The following FRK variants were observed in gnomAD, a reference collection of about 807,000 sequenced individuals.
The protein encoded by FRK is tyrosine-protein kinase FRK.
A neutral mutation model predicts 56.4 loss-of-function variants in FRK; 51 were observed. That is an observed-to-expected ratio of 0.90 (90% CI 0.72 to 1.14). The LOEUF (loss-of-function observed/expected upper bound fraction) is 1.14, where lower values mean the gene tolerates loss of function less well. FRK is among the 50% of genes most tolerant of loss of function. The pLI, the probability that FRK is intolerant of heterozygous loss-of-function variation, is 0.00. For missense variants in FRK, 570 were observed against 601.4 expected (o/e 0.95, Z 0.55); for synonymous variants, 245 against 217.9 (o/e 1.12, Z -1.10).
chr6:116,003,845 T>G lies in FRK; in HGVS notation c.466+32A>C, dbSNP rs781112476. ...AGCTCATGACTGCAGACTCTCAAGC[T>G]CATATTGAATGACACAAAACAATAC... On this transcript the variant is annotated intron_variant, in intron 2 of 7. Coordinates refer to ENST00000606080, the MANE Select transcript of FRK (RefSeq NM_002031.3). The G allele has an allele frequency of 1.4e-5, 22 of 1,610,620 alleles. 1 individual carries two copies. In the South Asian group the frequency reaches 2.3e-4, roughly 17 times the overall value.
chr6:115,978,029 A>G (rs767981103), intron 2 of FRK, among the ~76,000 whole-genome samples: 74 of 152,330 alleles, frequency 4.9e-4, no homozygotes, highest in Non-Finnish European at 9.4e-4. Flanking sequence ...AACAGCATTT[A>G]CAGCATCTCA....
At chr6:116,068,877 G>A in the FRK span, among the ~76,000 whole-genome samples, 2 of 151,466 alleles carry the variant, frequency 1.3e-5, no homozygotes, top group Non-Finnish European at 2.9e-5. Context: ...TCATTCTTTG[G>A]CACTGTCAAA....
chr6:116,064,437 G>GA (rs1777718807), upstream of FRK, among the ~76,000 whole-genome samples: 1 of 152,064 alleles, frequency 6.6e-6, no homozygotes, highest in Non-Finnish European at 1.5e-5. Flanking sequence ...CAGAAATAAA[G>GA]AAAAAGAAAC....
At chr6:116,097,309 A>G in the FRK span, among the ~76,000 whole-genome samples, 1 of 152,150 alleles carries the variant, frequency 6.6e-6, no homozygotes, top group African/African-American at 2.4e-5. Context: ...TAGTAAATGA[A>G]CTTTTTTCTT....
intron 1 of FRK, among the ~76,000 whole-genome samples, chr6:116,022,786 A>G (rs1423397314): frequency 6.6e-6 from 1 of 152,194 alleles, no homozygotes; most frequent in Non-Finnish European, 1.5e-5. Flanking sequence ...AGTTAGATTC[A>G]GGCAACTTAA....
At chr6:116,010,114 C>T (rs951008301) in intron 1 of FRK, among the ~76,000 whole-genome samples, 2 of 151,490 alleles carry the variant, frequency 1.3e-5, no homozygotes, top group African/African-American at 2.4e-5. Flanking sequence ...CCCAGCTACT[C>T]GGGAGGCTGA....
At chr6:116,056,200 G>GA (rs1273294463) in intron 1 of FRK, among the ~76,000 whole-genome samples, 2 of 132,744 alleles carry the variant, frequency 1.5e-5, no homozygotes, top group African/African-American at 5.5e-5. Context: ...TGTTCATTTG[G>GA]TTTTTTTTTT....
At chr6:116,007,454 C>T (rs1775285607) in intron 1 of FRK, among the ~76,000 whole-genome samples, 1 of 152,160 alleles carries the variant, frequency 6.6e-6, no homozygotes, top group African/African-American at 2.4e-5. Flanking sequence ...TTCTATTTCG[C>T]ATGCCACAGT....
chr6:116,092,678 C>T, the FRK span, among the ~76,000 whole-genome samples: 29,807 of 152,100 alleles, frequency 0.2, 3,843 homozygotes, highest in Middle Eastern at 0.35. Context: ...GTCCAGGGAC[C>T]GTTGTGGGTT....
chr6:115,944,288 T>A lies in FRK; in HGVS notation c.1096A>T (p.Asn366Tyr). ...CCAAAATCTGCTACTTTGTAGATAT[T>A]ATGTTCACCAACGAGGACATTTCTG... The part of the protein sequence containing the change: ...AARNVLVGEH[N>Y]IYKVADFGLA... Residue 366 changes from asparagine to tyrosine, a missense_variant, in exon 6 of 8, where the codon AAT becomes TAT. Physicochemically the swap from Asn to Tyr is moderately radical, Grantham distance 143. Transcript: ENST00000606080. 1 of 1,612,846 alleles carries A rather than the reference T, an allele frequency of 6.2e-7. No individual in the cohort carries two copies. Among genetic ancestry groups the A allele is most frequent in the Non-Finnish European group, 8.5e-7 (1 of 1,179,584 alleles).
intron 5 of FRK, among the ~76,000 whole-genome samples, chr6:115,954,140 C>A (rs1772898151): frequency 6.6e-6 from 1 of 151,978 alleles, no homozygotes; most frequent in African/African-American, 2.4e-5. Flanking sequence ...AATGTCAGAA[C>A]AACAAAAAAA....
chr6:116,031,162 A>G (rs1158539220), intron 1 of FRK, among the ~76,000 whole-genome samples: 1 of 152,154 alleles, frequency 6.6e-6, no homozygotes, highest in Non-Finnish European at 1.5e-5. Flanking sequence ...TGAGGGTTAA[A>G]TTATGATTAA....
rs1562275066 is a variant in FRK, at chr6:115,992,943, CAAAT to C, written c.466+10930_466+10933del. ...AACTTCTATCTATTATATCAAAAAG[CAAAT>C]AAATAGAGAACCAGAAAGGACATTG... On this transcript the variant is annotated intron_variant, in intron 2 of 7. Transcript: ENST00000606080. Among the ~76,000 whole-genome samples, 5 of 151,744 alleles carry C rather than the reference CAAAT, an allele frequency of 3.3e-5. No homozygotes were observed. In the East Asian group the frequency reaches 9.7e-4, roughly 29 times the overall value.
In FRK at chr6:115,933,102, CT is replaced by C. The variant is rs1430928279; in HGVS notation, c.*9311del. 6.6e-6 allele frequency: 1 copy of C among 151,976 alleles called. No individual in the cohort carries two copies. The highest frequency in any genetic ancestry group is 1.5e-5 in the Non-Finnish European group (1 of 68,000). The allele number at this position is 151,976 out of a possible 1,614,324, so 9.4% of individuals were successfully genotyped here. On this transcript the variant is annotated 3_prime_UTR_variant, in exon 8 of 8. Transcript: ENST00000606080. ...TAACTTAAATCTATTCCCTTATTTC[CT>C]TCCTTACCCTCTTTTTAAAAAAAAA...
At chr6:115,957,998 T>G (rs147190614) in intron 4 of FRK, among the ~76,000 whole-genome samples, 113 of 152,314 alleles carry the variant, frequency 7.4e-4, no homozygotes, top group African/African-American at 2.5e-3. Flanking sequence ...CAGCTGTAAG[T>G]ATATTTCACA....
rs942433540 is a variant in FRK at position 116,038,834 on chromosome 6, A to C, written c.344+21134T>G. On this transcript the variant is annotated intron_variant, in intron 1 of 7. Coordinates refer to ENST00000606080, the MANE Select transcript of FRK (RefSeq NM_002031.3). ...GAAGAGCCTGGGGGAGCTCATCCGC[A>C]CTCTGAAGGCGGCCAAGGTGCCGGC... 3 of 522,902 alleles carry C rather than the reference A, an allele frequency of 5.7e-6. No homozygotes were observed. The African/African-American group carries it at 5.8e-5, about 10-fold the overall frequency. 32.4% of individuals were successfully genotyped at this position (522,902 alleles called of 1,614,324 possible).
At chr6:116,077,080 T>C in the FRK span, among the ~76,000 whole-genome samples, 4 of 152,238 alleles carry the variant, frequency 2.6e-5, no homozygotes, top group Admixed American at 2.0e-4. Context: ...TGTAAGTTCC[T>C]ACCACATTTA....
chr6:116,065,407 CAT>C (rs1274175107), upstream of FRK, among the ~76,000 whole-genome samples: 3 of 152,174 alleles, frequency 2.0e-5, no homozygotes, highest in Admixed American at 6.5e-5. Flanking sequence ...CTCTCCACCA[CAT>C]AGTCTTCCTC....
intron 1 of FRK, among the ~76,000 whole-genome samples, chr6:116,055,875 C>T (rs1208868955): frequency 6.6e-6 from 1 of 152,116 alleles, no homozygotes; most frequent in East Asian, 1.9e-4. Flanking sequence ...TTAATAGAAT[C>T]TTCATTTATG....
Sources: gnomAD v4.1 joint callset for allele counts (sites outside exome capture counted in the v4.1 genomes callset) on GRCh38, gnomAD v4.1.1 for gene constraint, MANE v1.5 for transcripts, NCBI Gene and HGNC (gene_info 2026-07-23, HGNC 2026-07-21) for gene names.